SDK1: variants seen among roughly 807,000 people sequenced by gnomAD.
The protein encoded by SDK1 is protein sidekick-1.
SDK1 carries 157 observed loss-of-function variants against 245.5 expected under a neutral mutation model. That is an observed-to-expected ratio of 0.64 (90% CI 0.56 to 0.73). The LOEUF is 0.73. SDK1 is among the 30% of genes least tolerant of loss of function. SDK1 has a pLI of 0.00. For synonymous variants in SDK1, 1,647 were observed against 1,278.5 expected (o/e 1.29, Z -6.15); for missense variants, 3,583 against 3,002.3 (o/e 1.19, Z -4.52).
chr7:3,968,427 T>C (rs1782241637), intron 10 of SDK1, among the ~76,000 whole-genome samples: 1 of 152,196 alleles, frequency 6.6e-6, no homozygotes, highest in South Asian at 2.1e-4. Context: ...TATCTTTCTC[T>C]TCCTTCTGGA....
intron 4 of SDK1, among the ~76,000 whole-genome samples, chr7:3,694,579 G>GC (rs562259779): frequency 0.021 from 3,111 of 151,750 alleles, 106 homozygotes; most frequent in African/African-American, 0.072. Flanking sequence ...TATGTTGGTG[G>GC]GGGGGGAAAA....
intron 4 of SDK1, among the ~76,000 whole-genome samples, chr7:3,672,738 A>G (rs931242523): frequency 9.9e-6 from 1 of 101,246 alleles, no homozygotes; most frequent in East Asian, 2.6e-4. Context: ...AATGTAATAT[A>G]TATTTTTATA....
At chr7:3,573,831 G>GT (rs1253104055) in intron 1 of SDK1, among the ~76,000 whole-genome samples, 1 of 151,776 alleles carries the variant, frequency 6.6e-6, no homozygotes, top group African/African-American at 2.4e-5. Context: ...CTGTTCTTCT[G>GT]TTTTCCATTT....
chr7:4,224,570 T>A (rs1011255639), intron 40 of SDK1, among the ~76,000 whole-genome samples: 5 of 152,110 alleles, frequency 3.3e-5, no homozygotes, highest in African/African-American at 4.8e-5. Flanking sequence ...CAACCTGAGA[T>A]TTGGGTGGGG....
rs1782338284 is a variant in SDK1 at position 3,504,795 on chromosome 7, A to G, written c.299-114285A>G. Among the ~76,000 whole-genome samples the G allele has an allele frequency of 2.7e-5, 4 of 150,740 alleles. No individual in the cohort carries two copies. In the South Asian group the frequency reaches 8.4e-4, roughly 32 times the overall value. ...ACAACAGAAGGAAAAAAAAAAAACC[A>G]TACTTGGCTGGTGGGGGATGTAAAA... On this transcript the variant is annotated intron_variant, in intron 1 of 44. Transcript: ENST00000404826.
intron 35 of SDK1, among the ~76,000 whole-genome samples, chr7:4,202,722 T>C (rs1783962742): frequency 6.6e-6 from 1 of 152,212 alleles, no homozygotes; most frequent in South Asian, 2.1e-4. Flanking sequence ...CTCTGAAGCC[T>C]CCACTCCTCC....
intron 14 of SDK1, among the ~76,000 whole-genome samples, chr7:3,988,710 T>C (rs1010955230): frequency 2.0e-5 from 3 of 152,198 alleles, no homozygotes; most frequent in African/African-American, 7.2e-5. Context: ...CCCTTCATGA[T>C]AGATAATCCA....
chr7:3,700,354 G>A (rs1472538978), intron 4 of SDK1, among the ~76,000 whole-genome samples: 2 of 152,182 alleles, frequency 1.3e-5, no homozygotes, highest in Admixed American at 6.5e-5. Context: ...GTTGGTTGAT[G>A]TAAAAAGTAT....
chr7:4,149,607 A>T (rs1780219266), intron 30 of SDK1, 144 bp downstream of exon 30: 1 of 536,768 alleles, frequency 1.9e-6, no homozygotes, highest in African/African-American at 2.0e-5. Flanking sequence ...GACACTCCCC[A>T]TGCTGGGAAT....
At chr7:3,877,623 G>A (rs1274231396) in intron 5 of SDK1, among the ~76,000 whole-genome samples, 1 of 152,136 alleles carries the variant, frequency 6.6e-6, no homozygotes, top group Non-Finnish European at 1.5e-5. Context: ...CAAAAGATCT[G>A]AAAAAGAAAC....
intron 17 of SDK1, among the ~76,000 whole-genome samples, chr7:4,025,803 ACT>A (rs1219428534): frequency 1.3e-5 from 2 of 151,788 alleles, no homozygotes; most frequent in Non-Finnish European, 2.9e-5. Context: ...TTCTGCCCTG[ACT>A]CTTGCTGTCT....
chr7:3,984,614 T>G (rs1783678508), intron 13 of SDK1, among the ~76,000 whole-genome samples: 2 of 152,146 alleles, frequency 1.3e-5, no homozygotes, highest in South Asian at 4.1e-4. Context: ...AATGTCTGTT[T>G]TGCAAGGTTT....
intron 4 of SDK1, among the ~76,000 whole-genome samples, chr7:3,697,883 T>A (rs1784620999): frequency 6.6e-6 from 1 of 152,192 alleles, no homozygotes; most frequent in African/African-American, 2.4e-5. Context: ...CTTTTCCCTT[T>A]TTGTCCTGAG....
Position 4,242,612 on chromosome 7 carries a change from C to T in SDK1, c.6251+699C>T, listed in dbSNP as rs779950560. Among the ~76,000 whole-genome samples, 149 of 152,242 alleles carry T rather than the reference C, an allele frequency of 9.8e-4. 1 individual carries two copies. Among genetic ancestry groups the T allele is most frequent in the Non-Finnish European group, 1.8e-3 (122 of 68,012 alleles). ...AAGGAAAAACCCAAACACCTGAGGA[C>T]GCTTCGTCTGGAGAACAGACAGCTC... On this transcript the variant is annotated intron_variant, in intron 43 of 44. Transcript: ENST00000404826.
At chr7:3,770,353 G>A (rs1020354012) in intron 4 of SDK1, among the ~76,000 whole-genome samples, 15 of 152,018 alleles carry the variant, frequency 9.9e-5, no homozygotes, top group African/African-American at 2.9e-4. Context: ...AGTTTGTTTC[G>A]CCATTCACCT....
chr7:4,048,709 C>T (rs1194741392), intron 17 of SDK1, among the ~76,000 whole-genome samples: 1 of 152,328 alleles, frequency 6.6e-6, no homozygotes, highest in Non-Finnish European at 1.5e-5. Context: ...GAGCATCTGC[C>T]TCTTACAGTT....
At chr7:3,766,465 C>G (rs554386104) in intron 4 of SDK1, among the ~76,000 whole-genome samples, 3 of 152,238 alleles carry the variant, frequency 2.0e-5, no homozygotes, top group African/African-American at 7.2e-5. Flanking sequence ...CCTTGTATGC[C>G]TCAGTTTTCT....
chr7:3,731,383 G>A (rs182898689), intron 4 of SDK1, among the ~76,000 whole-genome samples: 11 of 152,336 alleles, frequency 7.2e-5, no homozygotes, highest in East Asian at 1.9e-4. Context: ...CCGAGTCAGC[G>A]TGGGAGGGCA....
chr7:3,436,503 T>C (rs1037344050), intron 1 of SDK1, among the ~76,000 whole-genome samples: 12 of 152,190 alleles, frequency 7.9e-5, no homozygotes, highest in Admixed American at 7.2e-4. Context: ...AATAAATCTG[T>C]ATGCAAGGAG....
Sources: allele counts gnomAD v4.1 joint callset (sites outside exome capture counted in the v4.1 genomes callset), GRCh38; gene constraint gnomAD v4.1.1; transcripts MANE v1.5; gene names NCBI Gene and HGNC (gene_info 2026-07-23, HGNC 2026-07-21).